The following EPHA6 variants were observed in gnomAD, a reference collection of about 807,000 sequenced individuals.
The protein encoded by EPHA6 is EPH receptor A6, also known as ephrin type-A receptor 6.
In EPHA6, 50 loss-of-function variants were observed where a neutral mutation model predicts 112.0. The observed-to-expected ratio is 0.45, with a 90% confidence interval of 0.36 to 0.56. The LOEUF (loss-of-function observed/expected upper bound fraction) is 0.56. Among genes scored for constraint, EPHA6 ranks in the 20% least tolerant of loss-of-function variants. The pLI, the probability that EPHA6 is intolerant of heterozygous loss-of-function variation, is 0.00. For synonymous variants in EPHA6, 529 were observed against 490.7 expected, an observed-to-expected ratio of 1.08 and a Z score of -1.03; for missense variants, 1,280 against 1,417.4, an observed-to-expected ratio of 0.90 and a Z score of 1.56.
At chr3:97,628,621 G>A (rs187897290) in intron 13 of EPHA6, among the ~76,000 whole-genome samples, 3 of 152,066 alleles carry the variant, frequency 2.0e-5, no homozygotes, top group African/African-American at 7.2e-5. Flanking sequence ...GTGCATATCA[G>A]CATTTCAACA....
intron 2 of EPHA6, among the ~76,000 whole-genome samples, chr3:96,892,834 C>T (rs1400617116): frequency 1.3e-5 from 2 of 151,524 alleles, no homozygotes; most frequent in Non-Finnish European, 2.9e-5. Flanking sequence ...TATTTTGTTT[C>T]TTGTAGGTAA....
chr3:96,835,460 A>T (rs1364955059), intron 1 of EPHA6, among the ~76,000 whole-genome samples: 1 of 152,016 alleles, frequency 6.6e-6, no homozygotes, highest in Admixed American at 6.6e-5. Flanking sequence ...CATTCCAGGC[A>T]GAGGGAGTAT....
At chr3:97,401,776 T>C (rs1016121212) in intron 5 of EPHA6, among the ~76,000 whole-genome samples, 1 of 151,870 alleles carries the variant, frequency 6.6e-6, no homozygotes, top group Non-Finnish European at 1.5e-5. Flanking sequence ...TTTGTAATAT[T>C]TCTACTTTTT....
intron 16 of EPHA6, among the ~76,000 whole-genome samples, chr3:97,743,623 G>A (rs766729244): frequency 6.6e-6 from 1 of 151,988 alleles, no homozygotes; most frequent in Non-Finnish European, 1.5e-5. Context: ...GTGAAATGAA[G>A]GCAATGTAAA....
intron 3 of EPHA6, among the ~76,000 whole-genome samples, chr3:97,213,437 C>G: frequency 6.6e-6 from 1 of 152,150 alleles, no homozygotes; most frequent in East Asian, 1.9e-4. Context: ...TGCTTGAGGA[C>G]TGGGCAAGAG....
chr3:97,691,912 C>T (rs2032695626), intron 14 of EPHA6, among the ~76,000 whole-genome samples: 1 of 152,248 alleles, frequency 6.6e-6, no homozygotes, highest in South Asian at 2.1e-4. Context: ...ACAAAAGCAA[C>T]CATTCTCCTA....
chr3:97,092,673 G>GA (rs1186104460), intron 3 of EPHA6, among the ~76,000 whole-genome samples: 1 of 151,946 alleles, frequency 6.6e-6, no homozygotes, highest in Non-Finnish European at 1.5e-5. Context: ...TTTTCAACTT[G>GA]AAGTGTGACT....
intron 5 of EPHA6, among the ~76,000 whole-genome samples, chr3:97,357,100 C>T (rs1302643070): frequency 6.6e-6 from 1 of 152,148 alleles, no homozygotes; most frequent in Admixed American, 6.5e-5. Context: ...GCCACCCTTG[C>T]TCTCTTTTGG....
chr3:97,127,330 C>A (rs1395150242), intron 3 of EPHA6, among the ~76,000 whole-genome samples: 1 of 152,068 alleles, frequency 6.6e-6, no homozygotes, highest in Non-Finnish European at 1.5e-5. Context: ...AGGGTGGGCA[C>A]CTCTCAAATG....
chr3:97,729,081 GAAGAAAATCTGAAA>G (rs2034912724), intron 15 of EPHA6, among the ~76,000 whole-genome samples: 1 of 151,934 alleles, frequency 6.6e-6, no homozygotes, highest in Non-Finnish European at 1.5e-5. Context: ...TTAAAGCTAA[GAAGAAAATCTGAAA>G]AAGAAAATCT....
Position 97,760,937 on chromosome 3 carries a change from A to T in EPHA6, c.*12236A>T. On this transcript the variant is annotated 3_prime_UTR_variant, in exon 18 of 18. Coordinates refer to ENST00000389672, the MANE Select transcript of EPHA6 (RefSeq NM_001080448.3). The stretch of plus-strand genomic sequence containing the variant: ...TACAAAAGGGGAAAAAGATTTATCT[A>T]TGAGAATAGGGAAGTATAGCACTGT... 1 of 198,334 alleles carries T rather than the reference A, an allele frequency of 5.0e-6. No individual in the cohort carries two copies. Among genetic ancestry groups the T allele is most frequent in the East Asian group, 7.9e-5 (1 of 12,726 alleles). The allele number at this position is 198,334 out of a possible 1,614,324, so 12.3% of individuals were successfully genotyped here.
intron 2 of EPHA6, among the ~76,000 whole-genome samples, chr3:96,978,117 G>A (rs953665094): frequency 5.3e-4 from 81 of 152,178 alleles, no homozygotes; most frequent in African/African-American, 1.7e-3. Flanking sequence ...CAAAAATTGC[G>A]CCACTTTGCT....
Position 97,754,940 on chromosome 3 carries a change from T to C in EPHA6, c.*6239T>C, listed in dbSNP as rs560115352. Among the ~76,000 whole-genome samples the C allele has an allele frequency of 6.6e-6, 1 of 152,270 alleles. No homozygotes were observed. Among genetic ancestry groups the C allele is most frequent in the African/African-American group, 2.4e-5 (1 of 41,554 alleles). ...GGATGGTCTCGATCTCCTGACCTGG[T>C]GATCCAACCGCCTCGGCCTCCCAAA... On this transcript the variant is annotated 3_prime_UTR_variant, in exon 18 of 18. Transcript: ENST00000389672.
intron 3 of EPHA6, among the ~76,000 whole-genome samples, chr3:97,004,865 A>C (rs1160210848): frequency 6.6e-6 from 1 of 152,100 alleles, no homozygotes; most frequent in African/African-American, 2.4e-5. Flanking sequence ...TTTAATGAAT[A>C]GGAGATCCTT....
intron 3 of EPHA6, among the ~76,000 whole-genome samples, chr3:96,992,691 C>T (rs1025826742): frequency 2.6e-5 from 4 of 151,968 alleles, no homozygotes; most frequent in African/African-American, 9.7e-5. Context: ...TGACCTTGTC[C>T]TGTTCTTTTG....
intron 11 of EPHA6, among the ~76,000 whole-genome samples, chr3:97,556,030 T>G (rs2093103967): frequency 6.6e-6 from 1 of 151,968 alleles, no homozygotes; most frequent in Non-Finnish European, 1.5e-5. Flanking sequence ...AAGCTAATAT[T>G]ACCCTGTCCT....
intron 1 of EPHA6, among the ~76,000 whole-genome samples, chr3:96,817,549 T>C (rs2032896920): frequency 6.6e-6 from 1 of 151,948 alleles, no homozygotes; most frequent in Admixed American, 6.6e-5. Context: ...TAGTTTTAAT[T>C]GTCCAATAAT....
At chr3:97,099,596 C>T (rs576011111) in intron 3 of EPHA6, among the ~76,000 whole-genome samples, 29 of 151,898 alleles carry the variant, frequency 1.9e-4, no homozygotes, top group African/African-American at 6.7e-4. Flanking sequence ...ATCTTATCGC[C>T]GAGTGGGATC....
At chr3:97,427,912 T>A (rs2089258770) in intron 6 of EPHA6, among the ~76,000 whole-genome samples, 1 of 152,128 alleles carries the variant, frequency 6.6e-6, no homozygotes, top group African/African-American at 2.4e-5. Context: ...CACTGGGGCC[T>A]ACTTGAGGGT....
Sources: gnomAD v4.1 joint callset for allele counts (sites outside exome capture counted in the v4.1 genomes callset) on GRCh38, gnomAD v4.1.1 for gene constraint, MANE v1.5 for transcripts, NCBI Gene and HGNC (gene_info 2026-07-23, HGNC 2026-07-21) for gene names.